The following RAPGEF2 variants were observed in gnomAD, a reference collection of about 807,000 sequenced individuals.
RAPGEF2 encodes PDZ domain containing guanine nucleotide exchange factor (GEF) 1.
RAPGEF2 carries 54 observed loss-of-function variants against 186.7 expected under a neutral mutation model. The observed-to-expected ratio is 0.29, with a 90% CI of 0.23 to 0.36. The LOEUF is 0.36. Ranked by LOEUF, RAPGEF2 falls within the 10% of genes least tolerant of loss-of-function variation. The pLI is 1.00. For missense variants in RAPGEF2, 1,532 were observed against 2,045.0 expected (o/e 0.75, Z 4.84); for synonymous variants, 712 against 705.9 (o/e 1.01, Z -0.14).
intron 1 of RAPGEF2, among the ~76,000 whole-genome samples, chr4:159,183,626 A>G (rs890665904): frequency 6.6e-6 from 1 of 152,216 alleles, no homozygotes; most frequent in Non-Finnish European, 1.5e-5. Flanking sequence ...GGTCCATGGA[A>G]TGGGAGAAGA....
intron 23 of RAPGEF2, among the ~76,000 whole-genome samples, chr4:159,344,807 T>C (rs546988062): frequency 1.3e-5 from 2 of 152,356 alleles, no homozygotes; most frequent in South Asian, 4.1e-4. Flanking sequence ...TTACATGTAA[T>C]TATTGTTTTC....
intron 1 of RAPGEF2, among the ~76,000 whole-genome samples, chr4:159,138,261 A>G (rs1434648784): frequency 6.6e-6 from 1 of 152,220 alleles, no homozygotes; most frequent in Non-Finnish European, 1.5e-5. Context: ...TAAGATGGGT[A>G]TCTATACCTA....
intron 3 of RAPGEF2, among the ~76,000 whole-genome samples, chr4:159,198,274 CTTTCT>C (rs1293814009): frequency 3.6e-4 from 2 of 5,512 alleles, no homozygotes; most frequent in Non-Finnish European, 7.0e-4. Context: ...TTCTTTCCTT[CTTTCT>C]TTCTTTCTTT....
chr4:159,113,161 A>T (rs977581811), intron 1 of RAPGEF2, among the ~76,000 whole-genome samples: 1 of 152,232 alleles, frequency 6.6e-6, no homozygotes, highest in Non-Finnish European at 1.5e-5. Flanking sequence ...AGGACATGTG[A>T]TAACCAAATG....
At chr4:159,137,720 A>AAAC (rs1210961696) in intron 1 of RAPGEF2, among the ~76,000 whole-genome samples, 9 of 151,736 alleles carry the variant, frequency 5.9e-5, no homozygotes, top group Non-Finnish European at 1.3e-4. Flanking sequence ...AAAAAAAAAA[A>AAAC]AAAAAACCTG....
chr4:159,158,414 A>C (rs1744348343), intron 1 of RAPGEF2, among the ~76,000 whole-genome samples: 2 of 152,334 alleles, frequency 1.3e-5, no homozygotes, highest in East Asian at 3.9e-4. Flanking sequence ...AAGATTATCT[A>C]GTTAATCTCC....
intron 4 of RAPGEF2, among the ~76,000 whole-genome samples, chr4:159,226,420 T>C (rs1752040840): frequency 6.6e-6 from 1 of 152,218 alleles, no homozygotes; most frequent in South Asian, 2.1e-4. Context: ...TTTGAAGTCA[T>C]GTAGCATAAA....
At chr4:159,147,527 G>GA (rs764069926) in intron 1 of RAPGEF2, among the ~76,000 whole-genome samples, 28 of 151,982 alleles carry the variant, frequency 1.8e-4, no homozygotes, top group Non-Finnish European at 3.8e-4. Context: ...TAAAGTTGTA[G>GA]AAAAAATAGC....
chr4:159,339,434 A>G, intron 19 of RAPGEF2, 80 bp downstream of exon 19: 1 of 1,495,416 alleles, frequency 6.7e-7, no homozygotes, highest in Non-Finnish European at 9.0e-7. Flanking sequence ...GCAATTTTCA[A>G]AGTGTTTTTT....
intron 1 of RAPGEF2, among the ~76,000 whole-genome samples, chr4:159,105,959 C>G (rs1221118730): frequency 1.3e-5 from 2 of 152,144 alleles, no homozygotes; most frequent in Non-Finnish European, 2.9e-5. Flanking sequence ...ATGACTAAAA[C>G]CTACTATCAG....
intron 4 of RAPGEF2, among the ~76,000 whole-genome samples, chr4:159,212,906 A>G (rs1417580582): frequency 1.3e-5 from 2 of 152,182 alleles, no homozygotes; most frequent in East Asian, 3.8e-4. Flanking sequence ...CTGGAAAGGG[A>G]ACTTAATGTT....
At chr4:159,161,274 G>A (rs1188809460) in intron 1 of RAPGEF2, among the ~76,000 whole-genome samples, 2 of 152,230 alleles carry the variant, frequency 1.3e-5, no homozygotes, top group Non-Finnish European at 2.9e-5. Flanking sequence ...CAGAAAGCCA[G>A]TGATTAGAAG....
chr4:159,289,103 C>A (rs1205321781), intron 7 of RAPGEF2, among the ~76,000 whole-genome samples: 2 of 152,114 alleles, frequency 1.3e-5, no homozygotes, highest in African/African-American at 2.4e-5. Flanking sequence ...CCCCTTCTCC[C>A]CTCAAGCCCC....
At chr4:159,105,286 A>T (rs897171247) in intron 1 of RAPGEF2, among the ~76,000 whole-genome samples, 3 of 152,216 alleles carry the variant, frequency 2.0e-5, no homozygotes, top group Admixed American at 2.0e-4. Flanking sequence ...GACATTTAGG[A>T]TCTAATGCTT....
chr4:159,298,082 A>G (rs540663745), intron 7 of RAPGEF2, among the ~76,000 whole-genome samples: 1 of 152,290 alleles, frequency 6.6e-6, no homozygotes, highest in Non-Finnish European at 1.5e-5. Flanking sequence ...GATAAAAGCA[A>G]ATAAATTTTT....
intron 4 of RAPGEF2, among the ~76,000 whole-genome samples, chr4:159,213,643 A>G (rs1750734279): frequency 6.6e-6 from 1 of 152,172 alleles, no homozygotes; most frequent in African/African-American, 2.4e-5. Context: ...TTGACGTTTA[A>G]GTCAGCATTT....
intron 9 of RAPGEF2, among the ~76,000 whole-genome samples, chr4:159,320,957 C>T (rs1765166271): frequency 6.6e-6 from 1 of 152,018 alleles, no homozygotes; most frequent in Non-Finnish European, 1.5e-5. Flanking sequence ...TGAGTATTTA[C>T]TCTGTGCCAC....
chr4:159,221,826 C>T (rs1751567826), intron 4 of RAPGEF2, among the ~76,000 whole-genome samples: 1 of 152,146 alleles, frequency 6.6e-6, no homozygotes, highest in African/African-American at 2.4e-5. Flanking sequence ...TAAGGAAGTG[C>T]TGGGAGAGAA....
At chr4:159,285,940 A>G (rs1760401903) in intron 7 of RAPGEF2, among the ~76,000 whole-genome samples, 1 of 152,084 alleles carries the variant, frequency 6.6e-6, no homozygotes. Flanking sequence ...AAGACTCTAT[A>G]TTTAATTGCC....
Sources: gnomAD v4.1 joint callset for allele counts (sites outside exome capture counted in the v4.1 genomes callset) on GRCh38, gnomAD v4.1.1 for gene constraint, MANE v1.5 for transcripts, NCBI Gene and HGNC (gene_info 2026-07-23, HGNC 2026-07-21) for gene names.